FBXO38: variants seen among roughly 807,000 people sequenced by gnomAD.
The protein encoded by FBXO38 is F-box protein 38.
FBXO38 carries 53 observed loss-of-function variants against 131.9 expected under a neutral mutation model. The observed-to-expected ratio is 0.40, with a 90% confidence interval of 0.32 to 0.51. The LOEUF (loss-of-function observed/expected upper bound fraction) is 0.51. FBXO38 is among the 20% of genes least tolerant of loss of function. The pLI is 0.53. For missense variants in FBXO38, 1,076 were observed against 1,475.6 expected (o/e 0.73, Z 4.44); for synonymous variants, 452 against 505.6 (o/e 0.89, Z 1.42).
chr5:148,441,625 A>G (rs181891714), intron 21 of FBXO38: 2 of 205,140 alleles, frequency 9.7e-6, no homozygotes, highest in African/African-American at 4.6e-5. Context: ...ATTAGGGGAG[A>G]AATTTTTGAA....
At chr5:148,435,444 C>T (rs1420984558) in intron 17 of FBXO38, among the ~76,000 whole-genome samples, 1 of 152,236 alleles carries the variant, frequency 6.6e-6, no homozygotes, top group Non-Finnish European at 1.5e-5. Context: ...GTGACTTCCT[C>T]ACCAAGCTTA....
At chr5:148,416,166 CT>C in intron 11 of FBXO38, 96 bp downstream of exon 11, 1 of 1,240,464 alleles carries the variant, frequency 8.1e-7, no homozygotes, top group Non-Finnish European at 1.1e-6. Context: ...AATGATATGC[CT>C]TTACGGTGTT....
chr5:148,384,358 T>A (rs1400754557), intron 1 of FBXO38, among the ~76,000 whole-genome samples: 2 of 152,124 alleles, frequency 1.3e-5, no homozygotes, highest in African/African-American at 4.8e-5. Flanking sequence ...TCTGTGACTG[T>A]CTCCCACCCC....
chr5:148,434,407 T>C (rs1754225952), intron 17 of FBXO38: 1 of 152,208 alleles, frequency 6.6e-6, no homozygotes, highest in South Asian at 2.1e-4. Context: ...TTACCTTTTT[T>C]ATTCAAAATT....
chr5:148,420,045 T>C (rs1466350069), intron 12 of FBXO38, among the ~76,000 whole-genome samples: 1 of 152,030 alleles, frequency 6.6e-6, no homozygotes, highest in Non-Finnish European at 1.5e-5. Flanking sequence ...AATTGTGAGC[T>C]AGTTAGCTGA....
intron 17 of FBXO38, among the ~76,000 whole-genome samples, chr5:148,435,986 G>A (rs1480207666): frequency 2.6e-5 from 4 of 152,164 alleles, no homozygotes; most frequent in African/African-American, 7.2e-5. Context: ...TATTGGTGCA[G>A]TTTGTGGCAC....
intron 2 of FBXO38, among the ~76,000 whole-genome samples, chr5:148,396,732 A>G (rs188406044): frequency 3.9e-5 from 6 of 152,234 alleles, no homozygotes; most frequent in African/African-American, 1.4e-4. Context: ...GGCTTAAGCA[A>G]TCCTTTTGCC....
intron 6 of FBXO38, 121 bp downstream of exon 6, chr5:148,404,943 A>G: frequency 1.2e-6 from 1 of 832,326 alleles, no homozygotes; most frequent in Non-Finnish European, 1.7e-6. Flanking sequence ...GTCTTATAAC[A>G]TATTCATCTT....
Position 148,427,761 on chromosome 5 carries a change from G to C in FBXO38, c.2467G>C (p.Gly823Arg), listed in dbSNP as rs769690867. The change falls in exon 15 of 22, where the codon GGG becomes CGG. Residue 823 changes from glycine to arginine, a missense_variant. Physicochemically the swap from Gly to Arg is moderately radical, Grantham distance 125 (BLOSUM62 -2). Transcript: ENST00000340253. Reference sequence around the variant, plus strand: ...CTTTTCCTTTAGGACTCTGCCACAAGGGGGGTCTTCAGGCCCAGCACATGA... The same window carrying C: ...CTTTTCCTTTAGGACTCTGCCACAACGGGGGTCTTCAGGCCCAGCACATGA... ...SAFSFRTLPQ[G>R]GSSGPAHDER... The C allele has an allele frequency of 5.0e-6, 8 of 1,612,294 alleles. No individual in the cohort carries two copies. Among genetic ancestry groups the C allele is most frequent in the Non-Finnish European group, 6.8e-6 (8 of 1,178,942 alleles).
At chr5:148,434,586 G>A (rs1754235115) in intron 17 of FBXO38, 2 of 152,076 alleles carry the variant, frequency 1.3e-5, no homozygotes, top group Admixed American at 1.3e-4. Context: ...GGATTTAAAT[G>A]TTAAATGTTT....
intron 21 of FBXO38, 96 bp downstream of exon 21, chr5:148,441,333 T>C (rs1754674194): frequency 2.4e-6 from 2 of 836,788 alleles, no homozygotes; most frequent in Non-Finnish European, 3.9e-6. Flanking sequence ...AGCAGTGCAG[T>C]GTTAAATGGT....
intron 1 of FBXO38, among the ~76,000 whole-genome samples, chr5:148,386,267 C>T (rs1224631637): frequency 1.3e-5 from 2 of 152,156 alleles, no homozygotes; most frequent in Non-Finnish European, 2.9e-5. Flanking sequence ...TGACAGAGGA[C>T]TGACTTGATG....
intron 7 of FBXO38, among the ~76,000 whole-genome samples, chr5:148,408,147 G>A (rs1752544048): frequency 6.6e-6 from 1 of 152,170 alleles, no homozygotes; most frequent in African/African-American, 2.4e-5. Context: ...AATCGTTAGG[G>A]AAATGCAAAT....
At chr5:148,423,798 G>T (rs1753569239) in intron 12 of FBXO38, 200 bp from the exon 13 acceptor site, 1 of 354,218 alleles carries the variant, frequency 2.8e-6, no homozygotes, top group Admixed American at 4.4e-5. Context: ...TCCCATCTGT[G>T]ATTTTCTCTC....
chr5:148,417,655 C>G (rs1295443586), intron 12 of FBXO38, among the ~76,000 whole-genome samples: 1 of 152,180 alleles, frequency 6.6e-6, no homozygotes, highest in Non-Finnish European at 1.5e-5. Flanking sequence ...GTCTTCACTT[C>G]CACCCTGCAG....
At chr5:148,439,852 A>G (rs908344730) in intron 19 of FBXO38, 60 bp downstream of exon 19, 2 of 1,529,916 alleles carry the variant, frequency 1.3e-6, no homozygotes, top group Non-Finnish European at 1.8e-6. Context: ...AGGGACTCCC[A>G]GAAGCAAATC....
intron 12 of FBXO38, among the ~76,000 whole-genome samples, chr5:148,423,153 T>C (rs1228360897): frequency 6.6e-6 from 1 of 152,210 alleles, no homozygotes; most frequent in Non-Finnish European, 1.5e-5. Context: ...TTAGCAAGTA[T>C]ATTCTGACCT....
At chr5:148,421,632 T>A (rs1169202928) in intron 12 of FBXO38, among the ~76,000 whole-genome samples, 1 of 152,136 alleles carries the variant, frequency 6.6e-6, no homozygotes, top group Non-Finnish European at 1.5e-5. Context: ...TATATATGTA[T>A]ACATATACAT....
chr5:148,402,333 G>T lies in FBXO38; in HGVS notation c.427-15G>T. 6.3e-7 allele frequency: 1 copy of T among 1,583,674 alleles called. No homozygotes were observed. The highest frequency in any genetic ancestry group is 1.1e-5 in the South Asian group (1 of 87,044). Reference sequence around the variant, plus strand: ...TAAAGTCTTTTCTTATGCTTGCTTTGGCATTATTTTCTAGGGTGTGGAAAC... The same window carrying T: ...TAAAGTCTTTTCTTATGCTTGCTTTTGCATTATTTTCTAGGGTGTGGAAAC... On this transcript the variant is annotated splice_polypyrimidine_tract_variant and intron_variant, in intron 4 of 21. Transcript: ENST00000340253.
Sources: allele counts gnomAD v4.1 joint callset (sites outside exome capture counted in the v4.1 genomes callset), GRCh38; gene constraint gnomAD v4.1.1; transcripts MANE v1.5; gene names NCBI Gene and HGNC (gene_info 2026-07-23, HGNC 2026-07-21).